The following PIEZO2 variants were observed in gnomAD, a reference collection of about 807,000 sequenced individuals.
PIEZO2 encodes the protein piezo type mechanosensitive ion channel component 2.
PIEZO2 carries 172 observed loss-of-function variants against 337.3 expected under a neutral mutation model. The ratio of observed to expected loss-of-function variants is 0.51; its 90% confidence interval spans 0.45 to 0.58. The LOEUF (loss-of-function observed/expected upper bound fraction) is 0.58. Among genes scored for constraint, PIEZO2 ranks in the 20% least tolerant of loss-of-function variants. The probability of loss-of-function intolerance (pLI) is 0.00; values close to 1 mark genes in which losing one functional copy is unlikely to be tolerated. For missense variants in PIEZO2, 3,028 were observed against 3,391.3 expected, an observed-to-expected ratio of 0.89 and a Z score of 2.66; for synonymous variants, 1,251 against 1,228.5, an observed-to-expected ratio of 1.02 and a Z score of -0.38.
intron 2 of PIEZO2, among the ~76,000 whole-genome samples, chr18:10,985,059 G>C (rs891997095): frequency 1.3e-5 from 2 of 152,004 alleles, no homozygotes; most frequent in African/African-American, 2.4e-5. Context: ...ATAACCACTA[G>C]AACTGCCCTA....
chr18:10,761,915 T>C (rs1197102929), intron 23 of PIEZO2, among the ~76,000 whole-genome samples: 1 of 152,256 alleles, frequency 6.6e-6, no homozygotes, highest in African/African-American at 2.4e-5. Flanking sequence ...TGAAGCATGT[T>C]GTTTTCATTA....
intron 54 of PIEZO2, among the ~76,000 whole-genome samples, chr18:10,674,047 G>T (rs2033890316): frequency 1.3e-5 from 2 of 152,208 alleles, no homozygotes; most frequent in South Asian, 4.1e-4. Flanking sequence ...AGGAATCCAA[G>T]AATGGTACTT....
intron 2 of PIEZO2, among the ~76,000 whole-genome samples, chr18:11,040,319 G>C (rs1013487186): frequency 5.9e-5 from 9 of 152,050 alleles, no homozygotes; most frequent in African/African-American, 2.2e-4. Context: ...TGAACTCCTT[G>C]AGTTTAGAGA....
At position 10,759,962 on chromosome 18, in the gene PIEZO2, G is replaced by A. The variant is rs965621029; in HGVS notation, c.3451-53C>T. ...AAAAAAATCAGGCATATGGGAAAGG[G>A]GACTGGTGATAGGTGTCAGGTCTGT... On this transcript the variant is annotated intron_variant, in intron 24 of 55. Coordinates refer to ENST00000674853, the MANE Select transcript of PIEZO2 (RefSeq NM_001378183.1). The surrounding 1 kb of genome is among the most constrained non-coding windows in gnomAD (Gnocchi z 5.5). 6.7e-7 allele frequency: 1 copy of A among 1,483,890 alleles called. No homozygotes were observed. The highest frequency in any genetic ancestry group is 2.0e-5 in the Admixed American group (1 of 50,714). The allele number at this position is 1,483,890 out of a possible 1,614,324, so 91.9% of individuals were successfully genotyped here. A position where few individuals can be genotyped will look rare whatever the true frequency, so the allele number is the denominator to read the frequency against.
Position 10,855,622 on chromosome 18 carries a change from T to C in PIEZO2, c.704-56A>G. 1 of 1,303,652 alleles carries C rather than the reference T, an allele frequency of 7.7e-7. No homozygotes were observed. The highest frequency in any genetic ancestry group is 1.1e-6 in the Non-Finnish European group (1 of 942,692). The allele number at this position is 1,303,652 out of a possible 1,614,324, so 80.8% of individuals were successfully genotyped here. ...GGTAGAACTGGAAATTCACTTATCA[T>C]TCAGTGAATGTGACTATTTGAAATT... On this transcript the variant is annotated intron_variant, in intron 6 of 55. Transcript: ENST00000674853. This position sits in a 1 kb window ranked among gnomAD's most constrained non-coding sequence, Gnocchi z 4.9.
At chr18:11,081,743 A>G (rs952995457) in intron 1 of PIEZO2, among the ~76,000 whole-genome samples, 1 of 137,722 alleles carries the variant, frequency 7.3e-6, no homozygotes, top group Non-Finnish European at 1.6e-5. Flanking sequence ...AAGCAAACAC[A>G]CCCTACTCAA....
At chr18:11,056,816 C>G (rs2077863) in intron 2 of PIEZO2, among the ~76,000 whole-genome samples, 18,456 of 152,060 alleles carry the variant, frequency 0.12, 2,529 homozygotes, top group African/African-American at 0.34. Context: ...GTCCATGGTG[C>G]TCCTACCCAC....
chr18:10,764,483 T>C (rs2038271203), intron 21 of PIEZO2, among the ~76,000 whole-genome samples: 3 of 150,324 alleles, frequency 2.0e-5, no homozygotes, highest in Admixed American at 2.0e-4. Flanking sequence ...CTACTAAAAA[T>C]ACAAAAAATT....
chr18:11,145,551 T>C (rs1298362446), intron 1 of PIEZO2, among the ~76,000 whole-genome samples: 1 of 152,146 alleles, frequency 6.6e-6, no homozygotes, highest in Admixed American at 6.5e-5. Flanking sequence ...GATATAAAAA[T>C]AGATGGCTAA....
intron 49 of PIEZO2, among the ~76,000 whole-genome samples, chr18:10,683,154 C>T (rs1471077665): frequency 6.6e-6 from 1 of 152,246 alleles, no homozygotes; most frequent in African/African-American, 2.4e-5. Flanking sequence ...CCCGACTTGG[C>T]AATGTGATTT....
rs1237409964 is a variant in PIEZO2, at chr18:10,726,441, C to A, written c.5029+4966G>T. On this transcript the variant is annotated intron_variant, in intron 36 of 55. Coordinates refer to ENST00000674853, the MANE Select transcript of PIEZO2 (RefSeq NM_001378183.1). This position sits in a 1 kb window ranked among gnomAD's most constrained non-coding sequence, Gnocchi z 5.9. ...CGCGGAGGGCCGGCTGCGGTACGGGCTACGGCCGGCGAACCCCACGAGGAG... is the reference window on the plus strand; with the variant it reads ...CGCGGAGGGCCGGCTGCGGTACGGGATACGGCCGGCGAACCCCACGAGGAG... The A allele has an allele frequency of 1.3e-5, 20 of 1,529,916 alleles. No individual in the cohort carries two copies. The highest frequency in any genetic ancestry group is 2.7e-5 in the African/African-American group (2 of 72,742). 94.8% of individuals were successfully genotyped at this position (1,529,916 alleles called of 1,614,324 possible).
At position 11,015,076 on chromosome 18, in the gene PIEZO2, C is replaced by A. The variant is rs367752926; in HGVS notation, c.161-35416G>T. Among the ~76,000 whole-genome samples, 9 of 136,752 alleles carry A rather than the reference C, an allele frequency of 6.6e-5. No individual in the cohort carries two copies. The South Asian group carries it at 1.8e-3, about 28-fold the overall frequency. 89.7% of individuals were successfully genotyped at this position (136,752 alleles called of 152,430 possible). On this transcript the variant is annotated intron_variant, in intron 2 of 55. Transcript: ENST00000674853. ...ATTCCTCAGTGTGGGGAAGATGTCA[C>A]CCTGGGCGGGACAGCGATCCGGGGC... is the stretch of plus-strand genomic sequence containing the variant.
Position 10,681,939 on chromosome 18 carries a change from T to C in PIEZO2, c.7686+165A>G, listed in dbSNP as rs559971282. Reference sequence around the variant, plus strand: ...GTGCTCAAGACCAAAGGGAAACTAGTCTCTCAGTGTCTTCTGCACCTTATT... The same window carrying C: ...GTGCTCAAGACCAAAGGGAAACTAGCCTCTCAGTGTCTTCTGCACCTTATT... On this transcript the variant is annotated intron_variant, in intron 50 of 55. Coordinates refer to ENST00000674853, the MANE Select transcript of PIEZO2 (RefSeq NM_001378183.1). Among the ~76,000 whole-genome samples, 3 of 151,382 alleles carry C rather than the reference T, an allele frequency of 2.0e-5. No individual in the cohort carries two copies. The East Asian group carries it at 5.8e-4, about 29-fold the overall frequency.
rs913328557 is a variant in PIEZO2 at position 10,894,219 on chromosome 18, G to A, written c.329+16967C>T. ...TGTAATCCCAGCACTCTGGAAGGCC[G>A]ATGGGGGCGGATCACCTGAGGTCAG... On this transcript the variant is annotated intron_variant, in intron 4 of 55. Transcript: ENST00000674853. This position sits in a 1 kb window ranked among gnomAD's most constrained non-coding sequence, Gnocchi z 4.1. 1.3e-5 allele frequency among the ~76,000 whole-genome samples: 2 copies of A among 152,114 alleles called. No homozygotes were observed. Among genetic ancestry groups the A allele is most frequent in the Non-Finnish European group, 2.9e-5 (2 of 68,036 alleles).
At chr18:10,758,277 G>T (rs1178501758) in intron 26 of PIEZO2, 143 bp from the exon 27 acceptor site, 8 of 986,164 alleles carry the variant, frequency 8.1e-6, no homozygotes, top group Non-Finnish European at 1.2e-5. Context: ...AATTCATCCT[G>T]GAGTCCAATG....
chr18:10,703,027 A>AT lies in PIEZO2; in HGVS notation c.6259-857dup, dbSNP rs1361205314. 2.6e-5 allele frequency among the ~76,000 whole-genome samples: 4 copies of AT among 151,956 alleles called. No individual in the cohort carries two copies. The East Asian group carries it at 7.8e-4, about 29-fold the overall frequency. On this transcript the variant is annotated intron_variant, in intron 42 of 55. Transcript: ENST00000674853. ...CCACCATGCCTGGCTAATGTTTTTT[A>AT]TTTTTTTGTAGAAATGGGGTCGTGC...
At chr18:10,723,604 T>C (rs1439754167) in intron 36 of PIEZO2, among the ~76,000 whole-genome samples, 1 of 151,950 alleles carries the variant, frequency 6.6e-6, no homozygotes, top group Non-Finnish European at 1.5e-5. Flanking sequence ...AGATTGATGA[T>C]GTAGGAGAGA....
chr18:10,900,352 G>A (rs2043014825), intron 4 of PIEZO2, among the ~76,000 whole-genome samples: 1 of 152,120 alleles, frequency 6.6e-6, no homozygotes, highest in African/African-American at 2.4e-5. Context: ...TCGTTACAAT[G>A]ATTATATAGT....
chr18:10,985,971 T>C (rs893075182), intron 2 of PIEZO2, among the ~76,000 whole-genome samples: 2 of 151,938 alleles, frequency 1.3e-5, no homozygotes, highest in East Asian at 1.9e-4. Context: ...AGCTATACAC[T>C]GCCTACAAGG....
Sources: gnomAD v4.1 joint callset for allele counts (sites outside exome capture counted in the v4.1 genomes callset) on GRCh38, gnomAD v4.1.1 for gene constraint, Gnocchi (gnomAD v3.1) non-coding constraint, MANE v1.5 for transcripts, NCBI Gene and HGNC (gene_info 2026-07-23, HGNC 2026-07-21) for gene names.